RASAL2: variants seen among roughly 807,000 people sequenced by gnomAD.
RASAL2 encodes the protein ras GTPase-activating protein nGAP.
A neutral mutation model predicts 128.9 loss-of-function variants in RASAL2; 58 were observed. That is an observed-to-expected ratio of 0.45 (90% CI 0.36 to 0.56). RASAL2 has a LOEUF of 0.56. RASAL2 is among the 20% of genes least tolerant of loss of function. The probability of loss-of-function intolerance (pLI) is 0.00; values close to 1 mark genes in which losing one functional copy is unlikely to be tolerated. For missense variants in RASAL2, 1,360 were observed against 1,601.6 expected, an observed-to-expected ratio of 0.85 and a Z score of 2.57; for synonymous variants, 561 against 580.8, an observed-to-expected ratio of 0.97 and a Z score of 0.49.
chr1:178,270,212 T>A (rs1666182886), intron 1 of RASAL2, among the ~76,000 whole-genome samples: 1 of 152,164 alleles, frequency 6.6e-6, no homozygotes, highest in Admixed American at 6.5e-5. Flanking sequence ...TCATCTGTTT[T>A]TATCAATTTT....
chr1:178,359,943 A>T (rs889382893), intron 3 of RASAL2, among the ~76,000 whole-genome samples: 1 of 152,118 alleles, frequency 6.6e-6, no homozygotes, highest in Non-Finnish European at 1.5e-5. Flanking sequence ...CTCACAGATT[A>T]TATAAGCTTC....
At chr1:178,262,176 CAG>C (rs148299437) in intron 1 of RASAL2, among the ~76,000 whole-genome samples, 11,103 of 152,110 alleles carry the variant, frequency 0.073, 451 homozygotes, top group Middle Eastern at 0.093. Flanking sequence ...CTGCTGAAAA[CAG>C]TGACTAAAAA....
intron 4 of RASAL2, among the ~76,000 whole-genome samples, chr1:178,416,980 G>T (rs1483157813): frequency 3.5e-5 from 5 of 143,038 alleles, no homozygotes; most frequent in Admixed American, 6.9e-5. Context: ...TTCTTTTAGG[G>T]TTTTTTTTTT....
chr1:178,164,109 A>G (rs1405820307), intron 1 of RASAL2, among the ~76,000 whole-genome samples: 1 of 152,136 alleles, frequency 6.6e-6, no homozygotes, highest in South Asian at 2.1e-4. Flanking sequence ...TATTTGTACA[A>G]TTCTTTCAAC....
chr1:178,312,122 C>T (rs1668285000), intron 3 of RASAL2, among the ~76,000 whole-genome samples: 1 of 151,734 alleles, frequency 6.6e-6, no homozygotes, highest in Admixed American at 6.6e-5. Flanking sequence ...ACAACAATTC[C>T]AGAAAAAGGG....
At chr1:178,152,863 A>G (rs1442319512) in intron 1 of RASAL2, among the ~76,000 whole-genome samples, 2 of 152,184 alleles carry the variant, frequency 1.3e-5, no homozygotes, top group Admixed American at 6.5e-5. Flanking sequence ...GTTGAAGCAA[A>G]TCTCAGACAT....
intron 1 of RASAL2, among the ~76,000 whole-genome samples, chr1:178,140,961 A>G (rs998057613): frequency 2.6e-5 from 4 of 152,210 alleles, no homozygotes; most frequent in Non-Finnish European, 5.9e-5. Flanking sequence ...GGCCTCAGGA[A>G]GCGGAAGGCA....
intron 1 of RASAL2, among the ~76,000 whole-genome samples, chr1:178,139,790 A>G (rs922494417): frequency 1.3e-5 from 2 of 151,988 alleles, no homozygotes; most frequent in African/African-American, 4.8e-5. Flanking sequence ...TTATCTAAAC[A>G]CCCTATTACC....
intron 3 of RASAL2, among the ~76,000 whole-genome samples, chr1:178,365,024 G>C (rs182907184): frequency 1.4e-3 from 205 of 151,156 alleles, no homozygotes; most frequent in African/African-American, 4.8e-3. Flanking sequence ...GAATATTTCT[G>C]TTGAGCACAT....
intron 3 of RASAL2, among the ~76,000 whole-genome samples, chr1:178,382,963 C>G (rs1443477357): frequency 6.6e-6 from 1 of 152,136 alleles, no homozygotes; most frequent in African/African-American, 2.4e-5. Flanking sequence ...AAAGTATTCT[C>G]TACCATCTCA....
chr1:178,336,379 A>G (rs1230061619), intron 3 of RASAL2, among the ~76,000 whole-genome samples: 1 of 152,018 alleles, frequency 6.6e-6, no homozygotes, highest in Non-Finnish European at 1.5e-5. Flanking sequence ...GTACCATAAG[A>G]TCTATGCTTT....
At chr1:178,283,277 C>A (rs959031337) in intron 1 of RASAL2, among the ~76,000 whole-genome samples, 1 of 152,124 alleles carries the variant, frequency 6.6e-6, no homozygotes, top group Non-Finnish European at 1.5e-5. Context: ...TCTGAAGCAA[C>A]CTCTCATTAT....
chr1:178,098,177 C>T (rs181932810), intron 1 of RASAL2, among the ~76,000 whole-genome samples: 3 of 152,146 alleles, frequency 2.0e-5, no homozygotes, highest in Admixed American at 2.0e-4. Flanking sequence ...CTTGCCACCC[C>T]CTTCATTGTC....
At chr1:178,330,869 C>G (rs1334613648) in intron 3 of RASAL2, among the ~76,000 whole-genome samples, 2 of 152,096 alleles carry the variant, frequency 1.3e-5, no homozygotes, top group East Asian at 3.9e-4. Context: ...CAGTGCCTCT[C>G]CCCCGGAATA....
intron 4 of RASAL2, among the ~76,000 whole-genome samples, chr1:178,408,262 AATC>A (rs1674115529): frequency 6.6e-6 from 1 of 152,186 alleles, no homozygotes; most frequent in African/African-American, 2.4e-5. Flanking sequence ...AGAAGGATGA[AATC>A]AGTTTATTTA....
intron 1 of RASAL2, among the ~76,000 whole-genome samples, chr1:178,243,076 G>C (rs1664591125): frequency 6.6e-6 from 1 of 151,886 alleles, no homozygotes; most frequent in South Asian, 2.1e-4. Context: ...TGAACATTTT[G>C]GTTATTATGC....
chr1:178,229,502 G>T (rs1308215993), intron 1 of RASAL2, among the ~76,000 whole-genome samples: 1 of 151,510 alleles, frequency 6.6e-6, no homozygotes, highest in African/African-American at 2.4e-5. Context: ...TTGGGAGGGG[G>T]TACCAGTCTG....
At chr1:178,424,647 A>G (rs1675403930) in intron 5 of RASAL2, among the ~76,000 whole-genome samples, 1 of 151,998 alleles carries the variant, frequency 6.6e-6, no homozygotes, top group African/African-American at 2.4e-5. Context: ...CTTTTTGTAG[A>G]GATGGGATTT....
At position 178,439,453 on chromosome 1, in the gene RASAL2, C is replaced by G. The variant is rs756589898; in HGVS notation, c.706C>G (p.Arg236Gly). 6.2e-7 allele frequency: 1 copy of G among 1,611,450 alleles called. No individual in the cohort carries two copies. Among genetic ancestry groups the G allele is most frequent in the Admixed American group, 1.7e-5 (1 of 59,656 alleles). Reference protein sequence around the residue: ...SRGLPKLKESRSHESLLSPCS... With the variant: ...SRGLPKLKESGSHESLLSPCS... ...TGGGCTGCCTAAACTAAAAGAGTCA[C>G]GTTCCCATGAATCCTTGCTGAGCCC... Residue 236 changes from arginine (R) to glycine (G), a missense_variant, in exon 6 of 18, where the codon CGT becomes GGT. This residue lies in a region of RASAL2 where 617 missense variants were observed against 714.2 expected (regional missense o/e 0.86). Coordinates refer to ENST00000367649, the MANE Select transcript of RASAL2 (RefSeq NM_170692.4).
Sources: allele counts gnomAD v4.1 joint callset (sites outside exome capture counted in the v4.1 genomes callset), GRCh38; gene constraint gnomAD v4.1.1; regional missense constraint gnomAD v4.1.1; transcripts MANE v1.5; gene names NCBI Gene and HGNC (gene_info 2026-07-23, HGNC 2026-07-21).